CACNA1D: variants seen among roughly 807,000 people sequenced by gnomAD.
CACNA1D encodes voltage-dependent L-type calcium channel subunit alpha-1D.
Under a neutral mutation model 257.1 loss-of-function variants are expected in CACNA1D, and 55 were observed. The ratio of observed to expected loss-of-function variants is 0.21; its 90% CI spans 0.17 to 0.27. CACNA1D has a LOEUF of 0.27. Among genes scored for constraint, CACNA1D ranks in the 10% least tolerant of loss-of-function variants. The probability of loss-of-function intolerance (pLI) is 1.00; values close to 1 mark genes in which losing one functional copy is unlikely to be tolerated. For synonymous variants in CACNA1D, 980 were observed against 1,014.9 expected, an observed-to-expected ratio of 0.97 and a Z score of 0.65; for missense variants, 1,876 against 2,784.0, an observed-to-expected ratio of 0.67 and a Z score of 7.34.
intron 32 of CACNA1D, among the ~76,000 whole-genome samples, chr3:53,772,590 C>T (rs957999035): frequency 6.6e-6 from 1 of 152,166 alleles, no homozygotes; most frequent in African/African-American, 2.4e-5. Flanking sequence ...GGTTAATGAC[C>T]GTGGAAAGCA....
At chr3:53,533,661 G>A (rs1231723223) in intron 3 of CACNA1D, among the ~76,000 whole-genome samples, 1 of 152,160 alleles carries the variant, frequency 6.6e-6, no homozygotes, top group Admixed American at 6.5e-5. Flanking sequence ...GCTTCCCTGG[G>A]GTCCCCAGCC....
rs78386061 is a variant in CACNA1D, at chr3:53,731,345, A to G, written c.2406+199A>G. 3.7e-3 allele frequency among the ~76,000 whole-genome samples: 559 copies of G among 151,982 alleles called. 4 individuals carry two copies. Among genetic ancestry groups the G allele is most frequent in the African/African-American group, 0.013 (536 of 41,244 alleles). ...TTTAGGCAGTTAGTTGTGTTTACTG[A>G]TATTTCACCAGAAAACCAATATGAT... On this transcript the variant is annotated intron_variant, in intron 17 of 47. Coordinates refer to ENST00000350061, the MANE Select transcript of CACNA1D (RefSeq NM_001128840.3).
intron 3 of CACNA1D, among the ~76,000 whole-genome samples, chr3:53,600,982 T>C (rs1015078470): frequency 2.0e-5 from 3 of 152,210 alleles, no homozygotes; most frequent in Non-Finnish European, 4.4e-5. Context: ...CCCTAACGTG[T>C]TGGGGCACCC....
chr3:53,665,639 ATT>A lies in CACNA1D; in HGVS notation c.767-13_767-12del. ...GAGTGCCTTCCTGGCTCACAAACTT[ATT>A]TTTTTTTGTCTTTCCTAGGTTTACA... On this transcript the variant is annotated intron_variant, in intron 5 of 47. Transcript: ENST00000350061. 1.3e-6 allele frequency: 2 copies of A among 1,578,024 alleles called. No individual in the cohort carries two copies. Among genetic ancestry groups the A allele is most frequent in the Non-Finnish European group, 1.7e-6 (2 of 1,151,290 alleles).
chr3:53,533,567 G>T (rs889657809), intron 3 of CACNA1D, among the ~76,000 whole-genome samples: 5 of 152,222 alleles, frequency 3.3e-5, no homozygotes, highest in African/African-American at 1.2e-4. Flanking sequence ...GTAACATTCA[G>T]TTCTGACCTT....
In CACNA1D at chr3:53,812,044, A is replaced by G. The variant is rs1278937892; in HGVS notation, c.*638A>G. 1 of 152,336 alleles carries G rather than the reference A, an allele frequency of 6.6e-6. No homozygotes were observed. Among genetic ancestry groups the G allele is most frequent in the African/African-American group, 2.4e-5 (1 of 41,410 alleles). The allele number at this position is 152,336 out of a possible 1,614,324, so 9.4% of individuals were successfully genotyped here. A position where few individuals can be genotyped will look rare whatever the true frequency, so the allele number is the denominator to read the frequency against. ...ACGCCAGTTTACATAAGAGAATATC[A>G]CTCCGATGGTCGGTTTCTGACTGTC... is the stretch of plus-strand genomic sequence containing the variant. On this transcript the variant is annotated 3_prime_UTR_variant, in exon 48 of 48. Transcript: ENST00000350061.
chr3:53,550,771 A>G (rs1309440341), intron 3 of CACNA1D, among the ~76,000 whole-genome samples: 2 of 152,170 alleles, frequency 1.3e-5, no homozygotes, highest in Non-Finnish European at 2.9e-5. Flanking sequence ...GTGGCAGGGA[A>G]TGCTTGGGGG....
intron 15 of CACNA1D, among the ~76,000 whole-genome samples, 188 bp from the exon 16 acceptor site, chr3:53,730,254 T>C (rs2094976691): frequency 7.1e-6 from 1 of 141,116 alleles, no homozygotes; most frequent in Non-Finnish European, 1.5e-5. Flanking sequence ...ACTTTTGTTT[T>C]GTTTTGTTTT....
chr3:53,673,480 G>A lies in CACNA1D; in HGVS notation c.1220+354G>A, dbSNP rs1477209623. On this transcript the variant is annotated intron_variant, in intron 8 of 47. Transcript: ENST00000350061. This position sits in a 1 kb window ranked among gnomAD's most constrained non-coding sequence, Gnocchi z 4.1. ...TAATGCAGATTAATTGTTATAAAAC[G>A]ATAGCAAAATGAGCTGGATTGGGTG... 2.0e-5 allele frequency among the ~76,000 whole-genome samples: 3 copies of A among 150,958 alleles called. No homozygotes were observed. The highest frequency in any genetic ancestry group is 4.4e-5 in the Non-Finnish European group (3 of 67,892).
At chr3:53,766,641 G>C (rs1291115834) in intron 30 of CACNA1D, among the ~76,000 whole-genome samples, 1 of 152,230 alleles carries the variant, frequency 6.6e-6, no homozygotes, top group Non-Finnish European at 1.5e-5. Context: ...GCCTGCTTGA[G>C]AGCCCTGTGG....
At chr3:53,683,386 C>T (rs1400378863) in intron 8 of CACNA1D, among the ~76,000 whole-genome samples, 2 of 152,128 alleles carry the variant, frequency 1.3e-5, no homozygotes, top group African/African-American at 4.8e-5. Context: ...CTACTGTAGA[C>T]CTGACTTAAA....
Position 53,772,909 on chromosome 3 carries a change from G to A in CACNA1D, c.4110+11G>A, listed in dbSNP as rs1465098193. The A allele has an allele frequency of 6.2e-7, 1 of 1,612,614 alleles. No individual in the cohort carries two copies. Among genetic ancestry groups the A allele is most frequent in the South Asian group, 1.1e-5 (1 of 91,052 alleles). ...GTCATTGGCATGCAGGTAAGCTCCA[G>A]CCATCTCGCCCTCAGGGGCCCTTTC... On this transcript the variant is annotated intron_variant, in intron 33 of 47. Transcript: ENST00000350061.
chr3:53,715,637 C>CTG, intron 9 of CACNA1D, among the ~76,000 whole-genome samples: 1 of 152,176 alleles, frequency 6.6e-6, no homozygotes, highest in African/African-American at 2.4e-5. Flanking sequence ...TACCCTTTTA[C>CTG]AGGTGAGGCA....
intron 3 of CACNA1D, among the ~76,000 whole-genome samples, chr3:53,579,056 C>T (rs969692781): frequency 8.5e-5 from 13 of 152,168 alleles, no homozygotes; most frequent in East Asian, 1.9e-4. Flanking sequence ...GAGGAGGAGC[C>T]GCCATCAGCT....
chr3:53,729,507 C>T (rs372450387), intron 15 of CACNA1D, among the ~76,000 whole-genome samples: 5 of 152,216 alleles, frequency 3.3e-5, no homozygotes, highest in African/African-American at 1.2e-4. Context: ...GGGGCCTTCT[C>T]ACTTATTGCC....
intron 8 of CACNA1D, among the ~76,000 whole-genome samples, chr3:53,700,802 A>G (rs1559536284): frequency 6.6e-6 from 1 of 151,786 alleles, no homozygotes; most frequent in East Asian, 1.9e-4. Context: ...GAGTCTGGAA[A>G]GTGGGGTGAT....
chr3:53,498,633 G>A (rs1323064021), intron 2 of CACNA1D, among the ~76,000 whole-genome samples: 1 of 152,194 alleles, frequency 6.6e-6, no homozygotes, highest in African/African-American at 2.4e-5. Context: ...CACCAAAAAG[G>A]GAGGATGTTG....
intron 9 of CACNA1D, among the ~76,000 whole-genome samples, chr3:53,703,434 C>G (rs564835352): frequency 6.6e-6 from 1 of 152,328 alleles, no homozygotes; most frequent in East Asian, 1.9e-4. Flanking sequence ...GGAGGCAAGG[C>G]CTGAGAACTC....
intron 3 of CACNA1D, among the ~76,000 whole-genome samples, chr3:53,593,772 C>T (rs1301680932): frequency 6.6e-6 from 1 of 152,178 alleles, no homozygotes; most frequent in East Asian, 1.9e-4. Context: ...CCCTTTCTCC[C>T]CACTCCCAAC....
Sources: gnomAD v4.1 joint callset for allele counts (sites outside exome capture counted in the v4.1 genomes callset) on GRCh38, gnomAD v4.1.1 for gene constraint, Gnocchi (gnomAD v3.1) non-coding constraint, MANE v1.5 for transcripts, NCBI Gene and HGNC (gene_info 2026-07-23, HGNC 2026-07-21) for gene names.